The following GALNT12 variants were observed in gnomAD, a reference collection of about 807,000 sequenced individuals.
GALNT12 encodes UDP-GalNAc:polypeptide N-acetylgalactosaminyltransferase 12.
Under a neutral mutation model 55.5 loss-of-function variants are expected in GALNT12, and 45 were observed. That is an observed-to-expected ratio of 0.81 (90% confidence interval 0.64 to 1.04). GALNT12 has a LOEUF of 1.04. Among genes scored for constraint, GALNT12 ranks in the 50% least tolerant of loss-of-function variants. The pLI, the probability that GALNT12 is intolerant of heterozygous loss-of-function variation, is 0.00. For missense variants in GALNT12, 709 were observed against 754.8 expected, an observed-to-expected ratio of 0.94 and a Z score of 0.71; for synonymous variants, 304 against 312.2, an observed-to-expected ratio of 0.97 and a Z score of 0.28.
At chr9:98,815,488 G>A (rs554615034) in intron 1 of GALNT12, among the ~76,000 whole-genome samples, 2 of 152,250 alleles carry the variant, frequency 1.3e-5, no homozygotes, top group African/African-American at 2.4e-5. Flanking sequence ...TAACCCCACC[G>A]TAAGTCAAGG....
chr9:98,848,532 T>C (rs1004626614), intron 9 of GALNT12, among the ~76,000 whole-genome samples: 1 of 152,220 alleles, frequency 6.6e-6, no homozygotes, highest in Admixed American at 6.5e-5. Flanking sequence ...CCATCTGGTC[T>C]GTGGCTGAGC....
At chr9:98,821,448 C>T (rs1043742283) in intron 1 of GALNT12, among the ~76,000 whole-genome samples, 2 of 151,578 alleles carry the variant, frequency 1.3e-5, no homozygotes, top group Non-Finnish European at 2.9e-5. Context: ...GGTGAAACAC[C>T]GTCTCTACTA....
At position 98,836,971 on chromosome 9, in the gene GALNT12, G is replaced by T; in HGVS notation, c.1036-1G>T. 1 of 1,614,154 alleles carries T rather than the reference G, an allele frequency of 6.2e-7. No individual in the cohort carries two copies. Among genetic ancestry groups the T allele is most frequent in the South Asian group, 1.1e-5 (1 of 91,074 alleles). On this transcript the variant is annotated splice_acceptor_variant, in intron 5 of 9. Transcript: ENST00000375011. LOFTEE classifies it high-confidence loss of function. Reference sequence around the variant, plus strand: ...TGGCCTCTCCTTTTCTCTGTGTGCAGATCTGGCAGTGTGGTGGGGTTCTGG... The same window carrying T: ...TGGCCTCTCCTTTTCTCTGTGTGCATATCTGGCAGTGTGGTGGGGTTCTGG...
intron 1 of GALNT12, among the ~76,000 whole-genome samples, chr9:98,810,825 G>C (rs946059783): frequency 1.3e-5 from 2 of 152,168 alleles, no homozygotes; most frequent in Non-Finnish European, 2.9e-5. Flanking sequence ...GCACTGAATT[G>C]AAGAGGAGGC....
At chr9:98,838,249 C>T (rs1022144668) in intron 6 of GALNT12, among the ~76,000 whole-genome samples, 1 of 152,162 alleles carries the variant, frequency 6.6e-6, no homozygotes. Context: ...GTGGCCCAGG[C>T]CCCCGCTGCT....
chr9:98,819,839 T>C (rs1027907658), intron 1 of GALNT12, among the ~76,000 whole-genome samples: 1 of 152,152 alleles, frequency 6.6e-6, no homozygotes, highest in Non-Finnish European at 1.5e-5. Flanking sequence ...ACAAGATCCC[T>C]GGACACAAAG....
At chr9:98,831,218 G>C (rs1334333568) in intron 3 of GALNT12, among the ~76,000 whole-genome samples, 1 of 152,198 alleles carries the variant, frequency 6.6e-6, no homozygotes, top group Non-Finnish European at 1.5e-5. Context: ...TTCTCTGCCA[G>C]CTATCTTAAA....
chr9:98,834,307 G>A (rs139976203), intron 4 of GALNT12, among the ~76,000 whole-genome samples: 13 of 152,154 alleles, frequency 8.5e-5, no homozygotes, highest in African/African-American at 3.1e-4. Context: ...TTTTAGTAGA[G>A]ACAGGTTTTC....
chr9:98,831,359 A>G (rs1250376806), intron 3 of GALNT12, among the ~76,000 whole-genome samples: 2 of 152,230 alleles, frequency 1.3e-5, no homozygotes, highest in Admixed American at 1.3e-4. Flanking sequence ...TAGCAGGATT[A>G]GAATTTATAT....
chr9:98,845,789 G>A (rs767801970), intron 8 of GALNT12, among the ~76,000 whole-genome samples, 188 bp from the exon 9 acceptor site: 3 of 152,146 alleles, frequency 2.0e-5, no homozygotes, highest in Non-Finnish European at 4.4e-5. Context: ...CGCTCATGAA[G>A]CACTGCAGTA....
intron 1 of GALNT12, among the ~76,000 whole-genome samples, chr9:98,820,266 G>A (rs1835707171): frequency 6.6e-6 from 1 of 152,070 alleles, no homozygotes; most frequent in South Asian, 2.1e-4. Context: ...CCGACGACAG[G>A]CCCCAGTGTG....
chr9:98,830,347 G>C (rs1052129772), intron 3 of GALNT12, among the ~76,000 whole-genome samples: 2 of 151,926 alleles, frequency 1.3e-5, no homozygotes, highest in African/African-American at 4.8e-5. Flanking sequence ...TGTCAACCAG[G>C]TAGGGCTCCT....
chr9:98,821,360 A>G (rs928437210), intron 1 of GALNT12, among the ~76,000 whole-genome samples: 5 of 151,930 alleles, frequency 3.3e-5, no homozygotes, highest in Non-Finnish European at 7.4e-5. Context: ...GGTGGCTCAC[A>G]CCTGTAATCC....
intron 9 of GALNT12, among the ~76,000 whole-genome samples, chr9:98,847,941 T>C (rs1042647373): frequency 5.9e-5 from 9 of 151,528 alleles, no homozygotes; most frequent in African/African-American, 2.2e-4. Flanking sequence ...GTCTCCTGAG[T>C]AGCTGGGACT....
chr9:98,807,991 T>G lies in GALNT12; in HGVS notation c.293T>G (p.Val98Gly). The change falls in exon 1 of 10, where the codon GTG (valine) becomes GGG (glycine). Residue 98 changes from valine (V) to glycine (G), a missense_variant. Physicochemically the swap from Val to Gly is moderately radical, Grantham distance 109 (BLOSUM62 -3). Around this residue, in one of 5 missense-constraint regions of GALNT12, gnomAD observed 315 missense variants for 288.6 expected, o/e 1.09. Transcript: ENST00000375011. ...GEELRLQEESVRLHQINIYLS... is the reference protein window; with the variant it reads ...GEELRLQEESGRLHQINIYLS... ...GAGCTGCGGCTGCAGGAGGAGAGCG[T>G]GCGGCTGCACCAGATTAACATCTAC... is the stretch of plus-strand genomic sequence containing the variant. 6.5e-7 allele frequency: 1 copy of G among 1,530,370 alleles called. No homozygotes were observed. Among genetic ancestry groups the G allele is most frequent in the Non-Finnish European group, 8.8e-7 (1 of 1,141,298 alleles). The allele number at this position is 1,530,370 out of a possible 1,614,324, so 94.8% of individuals were successfully genotyped here. A position where few individuals can be genotyped will look rare whatever the true frequency, so the allele number is the denominator to read the frequency against.
chr9:98,810,664 CTG>C (rs1318287435), intron 1 of GALNT12, among the ~76,000 whole-genome samples: 2 of 152,246 alleles, frequency 1.3e-5, no homozygotes, highest in East Asian at 3.9e-4. Flanking sequence ...GGGTGTGGCA[CTG>C]TGTCTGCCTT....
At chr9:98,812,531 G>A (rs772592443) in intron 1 of GALNT12, among the ~76,000 whole-genome samples, 2 of 152,184 alleles carry the variant, frequency 1.3e-5, no homozygotes, top group Non-Finnish European at 2.9e-5. Context: ...GCTGGAGGTT[G>A]CAGTGAGCCA....
chr9:98,835,005 G>C (rs1836102321), intron 4 of GALNT12, among the ~76,000 whole-genome samples: 1 of 152,084 alleles, frequency 6.6e-6, no homozygotes, highest in South Asian at 2.1e-4. Context: ...GCTGACCTTA[G>C]TTAACATATT....
chr9:98,839,216 TG>T (rs1836227481), intron 6 of GALNT12, among the ~76,000 whole-genome samples: 1 of 152,204 alleles, frequency 6.6e-6, no homozygotes, highest in Non-Finnish European at 1.5e-5. Flanking sequence ...TGGCTGAAGC[TG>T]GGGGCGCAGT....
Sources: gnomAD v4.1 joint callset for allele counts (sites outside exome capture counted in the v4.1 genomes callset) on GRCh38, gnomAD v4.1.1 for gene constraint, gnomAD v4.1.1 regional missense constraint, MANE v1.5 for transcripts, NCBI Gene and HGNC (gene_info 2026-07-23, HGNC 2026-07-21) for gene names.